The following CFAP58 variants were observed in gnomAD, a reference collection of about 807,000 sequenced individuals.
The protein encoded by CFAP58 is cilia- and flagella-associated protein 58.
Under a neutral mutation model 119.5 loss-of-function variants are expected in CFAP58, and 88 were observed. The observed-to-expected ratio is 0.74, with a 90% CI of 0.62 to 0.88. The LOEUF (loss-of-function observed/expected upper bound fraction) is 0.88, where lower values mean the gene tolerates loss of function less well. Among genes scored for constraint, CFAP58 ranks in the 40% least tolerant of loss-of-function variants. The pLI is 0.00. For missense variants in CFAP58, 990 were observed against 1,021.2 expected, an observed-to-expected ratio of 0.97 and a Z score of 0.42; for synonymous variants, 365 against 366.3, an observed-to-expected ratio of 1.00 and a Z score of 0.04.
intron 7 of CFAP58, among the ~76,000 whole-genome samples, chr10:104,375,089 A>G (rs1398015331): frequency 6.6e-6 from 1 of 151,662 alleles, no homozygotes; most frequent in Non-Finnish European, 1.5e-5. Context: ...CAAATGTTGA[A>G]ACCATAAAAC....
At chr10:104,413,166 G>A (rs1398357572) in intron 15 of CFAP58, among the ~76,000 whole-genome samples, 3 of 152,224 alleles carry the variant, frequency 2.0e-5, no homozygotes, top group Non-Finnish European at 4.4e-5. Flanking sequence ...TTCAGAAAGT[G>A]GTATGTTGCA....
intron 15 of CFAP58, among the ~76,000 whole-genome samples, chr10:104,416,661 C>T (rs556650501): frequency 2.6e-5 from 4 of 152,264 alleles, no homozygotes; most frequent in Admixed American, 2.6e-4. Flanking sequence ...TTAATATTTA[C>T]ACTGTGTTAA....
chr10:104,358,086 C>CACATATATATGTACATATAT (rs1564876556), intron 1 of CFAP58, among the ~76,000 whole-genome samples: 34 of 136,894 alleles, frequency 2.5e-4, no homozygotes, highest in African/African-American at 9.4e-4. Flanking sequence ...CATATATATA[C>CACATATATATGTACATATAT]ACACATATAT....
chr10:104,427,433 T>C (rs1056170322), intron 15 of CFAP58, among the ~76,000 whole-genome samples: 7 of 152,216 alleles, frequency 4.6e-5, no homozygotes, highest in African/African-American at 1.7e-4. Flanking sequence ...TTTTTCTAGT[T>C]GACAAAGCAA....
At chr10:104,406,294 A>G (rs1447050548) in intron 14 of CFAP58, among the ~76,000 whole-genome samples, 1 of 152,098 alleles carries the variant, frequency 6.6e-6, no homozygotes. Flanking sequence ...ATAAAAGGAG[A>G]AGACATACTG....
At chr10:104,351,222 A>G (rs112021454), upstream of CFAP58, among the ~76,000 whole-genome samples, 366 of 152,312 alleles carry the variant, frequency 2.4e-3, 2 homozygotes, top group African/African-American at 7.7e-3. Flanking sequence ...CTCCATGCAC[A>G]TTATGACTCA....
At chr10:104,369,269 A>T (rs938377282) in intron 6 of CFAP58, among the ~76,000 whole-genome samples, 1 of 152,180 alleles carries the variant, frequency 6.6e-6, no homozygotes, top group African/African-American at 2.4e-5. Flanking sequence ...GAACCATAAC[A>T]TTTTTATATC....
Position 104,414,866 on chromosome 10 carries a change from G to C in CFAP58, c.2256+8073G>C, listed in dbSNP as rs186767798. On this transcript the variant is annotated intron_variant, in intron 15 of 17. Transcript: ENST00000369704. The stretch of plus-strand genomic sequence containing the variant: ...TTTTGTATTTTTTGGTAGAGACGGG[G>C]TTTCACCGAATTTTATTTTATAAAC... 3.4e-3 allele frequency among the ~76,000 whole-genome samples: 516 copies of C among 152,182 alleles called. 2 individuals carry two copies. The highest frequency in any genetic ancestry group is 6.8e-3 in the Middle Eastern group (2 of 294).
chr10:104,430,337 A>G (rs886272090), intron 15 of CFAP58, among the ~76,000 whole-genome samples: 15 of 152,194 alleles, frequency 9.9e-5, no homozygotes, highest in African/African-American at 3.4e-4. Context: ...CAGGACCACT[A>G]AAATCACACA....
chr10:104,416,551 T>A (rs1364072494), intron 15 of CFAP58, among the ~76,000 whole-genome samples: 9 of 152,238 alleles, frequency 5.9e-5, no homozygotes, highest in African/African-American at 2.2e-4. Context: ...GCACGAGTTA[T>A]TAGCTGTGCA....
rs142990978 is a variant in CFAP58 at position 104,399,390 on chromosome 10, C to T, written c.1705C>T (p.Leu569=). 2 of 1,613,838 alleles carry T rather than the reference C, an allele frequency of 1.2e-6. No homozygotes were observed. The highest frequency in any genetic ancestry group is 1.1e-5 in the South Asian group (1 of 91,068). The change falls in exon 12 of 18, where the codon CTG becomes TTG. Residue 569 remains leucine (L), a synonymous_variant. Coordinates refer to ENST00000369704, the MANE Select transcript of CFAP58 (RefSeq NM_001008723.2). ...GCTGCAGAAGCTGAGACAACAAGCC[C>T]TGGAGACAAAACACTTTATTGAAAA... is the stretch of plus-strand genomic sequence containing the variant. ...AELQKLRQQA[L]ETKHFIEKQE...
chr10:104,361,960 T>G (rs1403874959), intron 2 of CFAP58, 63 bp from the exon 3 acceptor site: 2 of 1,488,650 alleles, frequency 1.3e-6, no homozygotes, highest in African/African-American at 1.4e-5. Context: ...TTCTGTTTGC[T>G]GGTTTATCTT....
Position 104,417,728 on chromosome 10 carries a change from C to T in CFAP58, c.2256+10935C>T, listed in dbSNP as rs140643765. ...TACATTCAATACTCAATGTACTCTG[C>T]GCTGCCCTGTGCTGAGCATCTGCTT... On this transcript the variant is annotated intron_variant, in intron 15 of 17. Transcript: ENST00000369704. Among the ~76,000 whole-genome samples the T allele has an allele frequency of 2.0e-3, 307 of 152,282 alleles. 1 individual carries two copies. Among genetic ancestry groups the T allele is most frequent in the African/African-American group, 6.4e-3 (268 of 41,570 alleles).
At chr10:104,357,963 A>G (rs1489714973) in intron 1 of CFAP58, among the ~76,000 whole-genome samples, 3 of 106,438 alleles carry the variant, frequency 2.8e-5, no homozygotes, top group Admixed American at 8.1e-5. Context: ...ATACACATAT[A>G]TGTACACATA....
chr10:104,390,697 C>A (rs1182719239), intron 9 of CFAP58, among the ~76,000 whole-genome samples: 1 of 151,982 alleles, frequency 6.6e-6, no homozygotes, highest in Admixed American at 6.6e-5. Context: ...AGATTGTTAA[C>A]CTAGTTTTGT....
upstream of CFAP58, among the ~76,000 whole-genome samples, chr10:104,349,107 G>A (rs895803158): frequency 7.2e-5 from 11 of 152,140 alleles, no homozygotes; most frequent in African/African-American, 2.7e-4. Flanking sequence ...AATTAGCTGG[G>A]TGTGGTGGTG....
In CFAP58 at chr10:104,450,144, A is replaced by G. The variant is rs1347200940; in HGVS notation, c.2450A>G (p.Asn817Ser). The change falls in exon 17 of 18, where the codon AAT becomes AGT. Residue 817 changes from asparagine to serine, a missense_variant. Physicochemically the swap from Asn to Ser is conservative, Grantham distance 46. Coordinates refer to ENST00000369704, the MANE Select transcript of CFAP58 (RefSeq NM_001008723.2). ...AAATATGAGGTAGAGAAACTTACCA[A>G]TGAGCTCCAGAATTTAAAGAAGAAA... Reference protein sequence around the residue: ...EYKYEVEKLTNELQNLKKKYL... With the variant: ...EYKYEVEKLTSELQNLKKKYL... 1.1e-5 allele frequency: 18 copies of G among 1,613,524 alleles called. No individual in the cohort carries two copies. The East Asian group carries it at 2.5e-4, about 22-fold the overall frequency.
At chr10:104,406,662 G>A in intron 14 of CFAP58, 27 bp from the exon 15 acceptor site, 1 of 1,580,912 alleles carries the variant, frequency 6.3e-7, no homozygotes, top group Non-Finnish European at 8.7e-7. Flanking sequence ...TGATATCTCA[G>A]CTGCTATTGT....
intron 15 of CFAP58, among the ~76,000 whole-genome samples, chr10:104,413,136 G>T (rs778801033): frequency 2.4e-4 from 36 of 152,196 alleles, no homozygotes; most frequent in Non-Finnish European, 4.1e-4. Context: ...ACTTATTAAA[G>T]GTTGAAAGAT....
Sources: gnomAD v4.1 joint callset for allele counts (sites outside exome capture counted in the v4.1 genomes callset) on GRCh38, gnomAD v4.1.1 for gene constraint, MANE v1.5 for transcripts, NCBI Gene and HGNC (gene_info 2026-07-23, HGNC 2026-07-21) for gene names.